Variants in MYLK3 observed in about 807,000 individuals in gnomAD.
MYLK3 encodes myosin light chain kinase 3.
In MYLK3, 55 loss-of-function variants were observed where a neutral mutation model predicts 76.3. The observed-to-expected ratio is 0.72, with a 90% CI of 0.58 to 0.90. The LOEUF is 0.90. Ranked by LOEUF, MYLK3 falls within the 40% of genes least tolerant of loss-of-function variation. The probability of loss-of-function intolerance (pLI) is 0.00; values close to 1 mark genes in which losing one functional copy is unlikely to be tolerated. For missense variants in MYLK3, 973 were observed against 1,053.6 expected, an observed-to-expected ratio of 0.92 and a Z score of 1.06; for synonymous variants, 416 against 425.4, an observed-to-expected ratio of 0.98 and a Z score of 0.27.
At chr16:46,757,093 C>T (rs1967210259) in intron 1 of MYLK3, among the ~76,000 whole-genome samples, 1 of 152,192 alleles carries the variant, frequency 6.6e-6, no homozygotes, top group African/African-American at 2.4e-5. Flanking sequence ...AGGAAGTACA[C>T]ACATCTCCTC....
chr16:46,762,158 C>T (rs538729467), intron 1 of MYLK3, among the ~76,000 whole-genome samples: 11 of 152,326 alleles, frequency 7.2e-5, no homozygotes, highest in Admixed American at 4.6e-4. Context: ...AGGCAAAAAT[C>T]TCTAAGGATA....
At chr16:46,742,157 T>C (rs1337178680) in intron 1 of MYLK3, among the ~76,000 whole-genome samples, 1 of 152,114 alleles carries the variant, frequency 6.6e-6, no homozygotes, top group African/African-American at 2.4e-5. Context: ...TGTGTGTATG[T>C]GCAGTTTATT....
intron 8 of MYLK3, among the ~76,000 whole-genome samples, chr16:46,721,522 T>G (rs1966799736): frequency 6.6e-6 from 1 of 152,152 alleles, no homozygotes; most frequent in Non-Finnish European, 1.5e-5. Context: ...GTGTTTTGTT[T>G]GGTCAGTTTT....
chr16:46,721,193 G>C lies in MYLK3; in HGVS notation c.1915C>G (p.Pro639Ala), dbSNP rs754683857. 2 of 1,614,140 alleles carry C rather than the reference G, an allele frequency of 1.2e-6. No homozygotes were observed. Among genetic ancestry groups the C allele is most frequent in the Non-Finnish European group, 1.7e-6 (2 of 1,179,986 alleles). ...QHYILHLDLK[P>A]ENILCVNQTG... The stretch of plus-strand genomic sequence containing the variant: ...TGATTGACGCACAATATGTTCTCCG[G>C]CTGGGAAAGAAAGAAGTCTGCTTAG... Residue 639 changes from proline (P) to alanine (A), a missense_variant and splice_region_variant, in exon 9 of 13, where the codon CCG (proline) becomes GCG (alanine). By Grantham distance (27) the Pro-to-Ala change is conservative. This residue lies in a region of MYLK3 where 332 missense variants were observed against 416.6 expected (regional missense o/e 0.80). Coordinates refer to ENST00000394809, the MANE Select transcript of MYLK3 (RefSeq NM_182493.3).
chr16:46,738,097 G>T lies in MYLK3; in HGVS notation c.615C>A (p.Pro205=). ...DVLEGTAERL[P]PIRASGLGAD... ...CTCCCAGCCCTGACGCTCTGATGGG[G>T]GGCAGCCTCTCCGCTGTCCCCTCCA... Residue 205 remains proline, a synonymous_variant, in exon 3 of 13, where the codon CCC becomes CCA. Transcript: ENST00000394809. 1 of 1,589,702 alleles carries T rather than the reference G, an allele frequency of 6.3e-7. No individual in the cohort carries two copies. The highest frequency in any genetic ancestry group is 8.6e-7 in the Non-Finnish European group (1 of 1,168,230).
At chr16:46,742,800 C>T (rs1048113008) in intron 1 of MYLK3, among the ~76,000 whole-genome samples, 2 of 152,238 alleles carry the variant, frequency 1.3e-5, no homozygotes, top group Admixed American at 6.5e-5. Context: ...TGATCACCAG[C>T]GTCATCAATG....
intron 1 of MYLK3, among the ~76,000 whole-genome samples, chr16:46,762,060 G>A (rs949655191): frequency 6.6e-6 from 1 of 152,156 alleles, no homozygotes; most frequent in Non-Finnish European, 1.5e-5. Context: ...CTCAAGGAAC[G>A]AGTCTTTGAA....
At chr16:46,758,318 T>A (rs866775641) in intron 1 of MYLK3, among the ~76,000 whole-genome samples, 13,543 of 138,054 alleles carry the variant, frequency 0.098, 661 homozygotes, top group Non-Finnish European at 0.12. Context: ...TCTCTCTCTC[T>A]CTCTCTCTCT....
At chr16:46,740,643 CCAG>C (rs1161687781) in intron 1 of MYLK3, among the ~76,000 whole-genome samples, 1 of 150,886 alleles carries the variant, frequency 6.6e-6, no homozygotes, top group Non-Finnish European at 1.5e-5. Context: ...CCGCTGCCTC[CCAG>C]GTTCAAACGA....
At position 46,702,347 on chromosome 16, in the gene MYLK3, A is replaced by T. The variant is rs1966582167; in HGVS notation, c.*5357T>A. Among the ~76,000 whole-genome samples, 1 of 152,112 alleles carries T rather than the reference A, an allele frequency of 6.6e-6. No homozygotes were observed. Among genetic ancestry groups the T allele is most frequent in the African/African-American group, 2.4e-5 (1 of 41,432 alleles). On this transcript the variant is annotated 3_prime_UTR_variant, in exon 13 of 13. Transcript: ENST00000394809. ...AGTTTTTTTGTCATGAATGTTTTCA[A>T]ATACATACAACAGTAAAGAGGACAG...
In MYLK3 at chr16:46,707,470, G is replaced by T. The variant is rs1966637553; in HGVS notation, c.*234C>A. 1.3e-5 allele frequency: 6 copies of T among 451,010 alleles called. No homozygotes were observed. The East Asian group carries it at 2.1e-4, about 16-fold the overall frequency. 27.9% of individuals were successfully genotyped at this position (451,010 alleles called of 1,614,324 possible). On this transcript the variant is annotated 3_prime_UTR_variant, in exon 13 of 13. Coordinates refer to ENST00000394809, the MANE Select transcript of MYLK3 (RefSeq NM_182493.3). ...CCACCAAAAGTAGGTATATTTGAAA[G>T]GTACTCAGAGCATTTCACACGTAGT... is the stretch of plus-strand genomic sequence containing the variant.
At position 46,738,085 on chromosome 16, in the gene MYLK3, C is replaced by T. The variant is rs373929348; in HGVS notation, c.627G>A (p.Ala209=). ...GGGCGGGGTCAGCTCCCAGCCCTGA[C>T]GCTCTGATGGGGGGCAGCCTCTCCG... ...GTAERLPPIR[A]SGLGADPAQA... The change falls in exon 3 of 13, where the codon GCG becomes GCA. Residue 209 remains alanine, a synonymous_variant. Coordinates refer to ENST00000394809, the MANE Select transcript of MYLK3 (RefSeq NM_182493.3). 32 of 1,595,480 alleles carry T rather than the reference C, an allele frequency of 2.0e-5. No individual in the cohort carries two copies. Among genetic ancestry groups the T allele is most frequent in the Admixed American group, 3.4e-5 (2 of 59,402 alleles).
intron 8 of MYLK3, among the ~76,000 whole-genome samples, chr16:46,725,311 A>C (rs1966838684): frequency 1.3e-5 from 2 of 152,174 alleles, no homozygotes; most frequent in African/African-American, 4.8e-5. Flanking sequence ...GCCTCCAGTA[A>C]AATGTTTAAT....
At chr16:46,763,036 A>G in intron 1 of MYLK3, 2 of 985,446 alleles carry the variant, frequency 2.0e-6, no homozygotes, top group Non-Finnish European at 2.4e-6. Context: ...CTGCACTTAC[A>G]TACCACTTTC....
At chr16:46,746,011 A>G (rs988409027) in intron 1 of MYLK3, among the ~76,000 whole-genome samples, 1 of 151,940 alleles carries the variant, frequency 6.6e-6, no homozygotes, top group Non-Finnish European at 1.5e-5. Context: ...GTGCATATTA[A>G]TTTTGTTAAA....
In MYLK3 at chr16:46,732,353, C is replaced by T. The variant is rs1240935877; in HGVS notation, c.1317G>A (p.Glu439=). The change falls in exon 4 of 13, where the codon GAG becomes GAA. Residue 439 remains glutamate (E), a synonymous_variant. Transcript: ENST00000394809. ...CCTGCTGCAGGCCCAGGGCCCCAAC[C>T]TCGTGGTCATTGTCGTCACTCCTGG... ...SLARSDDNDH[E]VGALGLQQGK... The T allele has an allele frequency of 1.2e-6, 2 of 1,613,506 alleles. No homozygotes were observed. Among genetic ancestry groups the T allele is most frequent in the Non-Finnish European group, 1.7e-6 (2 of 1,180,020 alleles).
At position 46,712,694 on chromosome 16, in the gene MYLK3, A is replaced by G; in HGVS notation, c.2068T>C (p.Ser690Pro). The G allele has an allele frequency of 6.3e-7, 1 of 1,596,186 alleles. No homozygotes were observed. The highest frequency in any genetic ancestry group is 8.5e-7 in the Non-Finnish European group (1 of 1,171,052). ...ACACTCCACATGTCTGTGGGGAATG[A>G]GACAAACTCATAATTGACGACTTCT... ...APEVVNYEFVSFPTDMWSVGV... is the reference protein window; with the variant it reads ...APEVVNYEFVPFPTDMWSVGV... The change falls in exon 10 of 13, where the codon TCA becomes CCA. Residue 690 changes from serine to proline, a missense_variant. Ser to Pro is a moderately conservative substitution (Grantham distance 74). This residue lies in a region of MYLK3 where 332 missense variants were observed against 416.6 expected (regional missense o/e 0.80). Transcript: ENST00000394809.
chr16:46,710,669 GT>G lies in MYLK3; in HGVS notation c.2234del (p.Asp745AlafsTer15). On this transcript the variant is annotated frameshift_variant, in exon 11 of 13. Coordinates refer to ENST00000394809, the MANE Select transcript of MYLK3 (RefSeq NM_182493.3). LOFTEE classifies it high-confidence loss of function. ...TFEGLSEEAK[D>X]FVSRLLVKEK... ...CTTTGACCAGCAACCGGGAAACAAAGTCCTTGGCCTCCTCCGAGAGCCCTTC... is the reference window on the plus strand; with the variant it reads ...CTTTGACCAGCAACCGGGAAACAAAGCCTTGGCCTCCTCCGAGAGCCCTTC... 6.2e-7 allele frequency: 1 copy of G among 1,614,132 alleles called. No homozygotes were observed. The highest frequency in any genetic ancestry group is 8.5e-7 in the Non-Finnish European group (1 of 1,180,034).
At chr16:46,754,713 A>C (rs1446068394) in intron 1 of MYLK3, among the ~76,000 whole-genome samples, 1 of 152,220 alleles carries the variant, frequency 6.6e-6, no homozygotes, top group African/African-American at 2.4e-5. Context: ...ACTACTACAC[A>C]TACCAAACAA....
Sources: allele counts gnomAD v4.1 joint callset (sites outside exome capture counted in the v4.1 genomes callset), GRCh38; gene constraint gnomAD v4.1.1; regional missense constraint gnomAD v4.1.1; transcripts MANE v1.5; gene names NCBI Gene and HGNC (gene_info 2026-07-23, HGNC 2026-07-21).